Variants in ELP4 observed in about 807,000 individuals in gnomAD.
ELP4 encodes elongator complex protein 4.
ELP4 carries 51 observed loss-of-function variants against 48.9 expected under a neutral mutation model. The ratio of observed to expected loss-of-function variants is 1.04; its 90% CI spans 0.83 to 1.32. ELP4 has a LOEUF of 1.32. Among genes scored for constraint, ELP4 ranks in the 40% most tolerant of loss-of-function variants. ELP4 has a pLI of 0.00. For synonymous variants in ELP4, 210 were observed against 189.2 expected (o/e 1.11, Z -0.90); for missense variants, 519 against 514.6 (o/e 1.01, Z -0.08).
intron 2 of ELP4, among the ~76,000 whole-genome samples, chr11:31,535,731 A>G (rs926085321): frequency 3.3e-5 from 5 of 152,194 alleles, no homozygotes; most frequent in Non-Finnish European, 7.3e-5. Flanking sequence ...TTCTGTCACC[A>G]TAAAGTGTTT....
intron 9 of ELP4, among the ~76,000 whole-genome samples, chr11:31,698,704 G>A (rs1025636120): frequency 8.5e-5 from 13 of 152,144 alleles, no homozygotes; most frequent in African/African-American, 3.1e-4. Flanking sequence ...TGAGCACCAT[G>A]CCTGACCTGG....
In ELP4 at chr11:31,541,793, T is replaced by G. The variant is rs4922865; in HGVS notation, c.381+2010T>G. 1.5e-3 allele frequency among the ~76,000 whole-genome samples: 222 copies of G among 152,284 alleles called. 1 individual carries two copies. The highest frequency in any genetic ancestry group is 8.7e-3 in the South Asian group (42 of 4,826). On this transcript the variant is annotated intron_variant, in intron 3 of 9. Coordinates refer to ENST00000640961, the MANE Select transcript of ELP4 (RefSeq NM_019040.5). ...CTTAGTGTACTTTACATATCCTTCTTTAGATTATGTGAAGGAGTTTGAAGC... is the reference window on the plus strand; with the variant it reads ...CTTAGTGTACTTTACATATCCTTCTGTAGATTATGTGAAGGAGTTTGAAGC...
intron 9 of ELP4, among the ~76,000 whole-genome samples, chr11:31,704,978 G>A (rs937330437): frequency 5.4e-5 from 8 of 149,112 alleles, no homozygotes; most frequent in African/African-American, 2.0e-4. Context: ...GCCACTGCAC[G>A]CCAACCTGGG....
In ELP4 at chr11:31,632,390, A is replaced by G. The variant is rs1378644061; in HGVS notation, c.912A>G (p.Pro304=). ...TTTCAGCCTGCATCATCACAATGCCAACACATCTGATCCAGGTACGAAATT... is the reference window on the plus strand; with the variant it reads ...TTTCAGCCTGCATCATCACAATGCCGACACATCTGATCCAGGTACGAAATT... ...TSLSACIITM[P]THLIQNKAII... is the part of the protein sequence containing the mutation. Residue 304 remains proline, a synonymous_variant, in exon 7 of 10, where the codon CCA becomes CCG. Coordinates refer to ENST00000640961, the MANE Select transcript of ELP4 (RefSeq NM_019040.5). 1.9e-6 allele frequency: 3 copies of G among 1,609,772 alleles called. No homozygotes were observed. Among genetic ancestry groups the G allele is most frequent in the African/African-American group, 1.3e-5 (1 of 74,580 alleles).
intron 9 of ELP4, among the ~76,000 whole-genome samples, chr11:31,678,960 T>C (rs1296552213): frequency 9.9e-5 from 15 of 152,202 alleles, no homozygotes; most frequent in Non-Finnish European, 1.5e-5. Context: ...TTTTCTAAAA[T>C]GTAGAAAATG....
intron 9 of ELP4, among the ~76,000 whole-genome samples, chr11:31,686,599 G>A (rs1475779604): frequency 6.6e-6 from 1 of 152,034 alleles, no homozygotes; most frequent in Non-Finnish European, 1.5e-5. Context: ...TATCACTCTG[G>A]GCCTGGTGCA....
At chr11:31,545,817 G>A (rs1471838847) in intron 3 of ELP4, among the ~76,000 whole-genome samples, 2 of 152,114 alleles carry the variant, frequency 1.3e-5, no homozygotes, top group Non-Finnish European at 2.9e-5. Flanking sequence ...AGAAGAGAGT[G>A]GGGGCCAATA....
At chr11:31,628,623 G>A (rs1405282538) in intron 6 of ELP4, among the ~76,000 whole-genome samples, 1 of 151,890 alleles carries the variant, frequency 6.6e-6, no homozygotes, top group Non-Finnish European at 1.5e-5. Flanking sequence ...AGCTGGTTTG[G>A]CTTTCTGAAC....
rs1221482535 is a variant in ELP4 at position 31,735,173 on chromosome 11, AC to A, written c.1144-48219del. On this transcript the variant is annotated intron_variant, in intron 9 of 9. Transcript: ENST00000640961. ...ATATCCATTGGCAAAAAAAAAAAAA[AC>A]ACGCACAAAAAAAAGAGATTGGATC... Among the ~76,000 whole-genome samples, 5 of 151,124 alleles carry A rather than the reference AC, an allele frequency of 3.3e-5. No homozygotes were observed. In the East Asian group the frequency reaches 9.7e-4, roughly 29 times the overall value.
chr11:31,510,069 G>A, intron 1 of ELP4, 62 bp downstream of exon 1: 5 of 1,506,296 alleles, frequency 3.3e-6, no homozygotes, highest in Non-Finnish European at 4.5e-6. Flanking sequence ...GACCTGTCGG[G>A]GAAGCCACTT....
At chr11:31,600,866 ATAC>A (rs1428900961) in intron 4 of ELP4, among the ~76,000 whole-genome samples, 1 of 152,164 alleles carries the variant, frequency 6.6e-6, no homozygotes, top group African/African-American at 2.4e-5. Context: ...TCTTTGTAAC[ATAC>A]TACAAGTAGA....
chr11:31,723,223 A>G (rs1947005498), intron 9 of ELP4, among the ~76,000 whole-genome samples: 1 of 152,080 alleles, frequency 6.6e-6, no homozygotes, highest in African/African-American at 2.4e-5. Flanking sequence ...AAGGAAGGAG[A>G]AAGGAGGCTG....
At chr11:31,547,870 A>G (rs979982263) in intron 3 of ELP4, among the ~76,000 whole-genome samples, 5 of 152,326 alleles carry the variant, frequency 3.3e-5, no homozygotes, top group African/African-American at 1.2e-4. Context: ...ATATAAACAG[A>G]ACCAAAGACA....
In ELP4 at chr11:31,737,743, A is replaced by G. The variant is rs962943102; in HGVS notation, c.1144-45650A>G. Among the ~76,000 whole-genome samples, 5 of 152,308 alleles carry G rather than the reference A, an allele frequency of 3.3e-5. No individual in the cohort carries two copies. The South Asian group carries it at 1.0e-3, about 32-fold the overall frequency. ...CGTATAGGAAAAACTCAGAATCACA[A>G]TAGTCAAGGAGGAAATGCAAATCAA... On this transcript the variant is annotated intron_variant, in intron 9 of 9. Transcript: ENST00000640961.
chr11:31,669,317 C>T (rs1270246007), intron 9 of ELP4, among the ~76,000 whole-genome samples: 3 of 152,022 alleles, frequency 2.0e-5, no homozygotes, highest in Non-Finnish European at 4.4e-5. Flanking sequence ...ATCTCCTAAC[C>T]TCGTCCGCCT....
Position 31,789,588 on chromosome 11 carries a change from A to AC in ELP4, c.*6064_*6065insC, listed in dbSNP as rs1949098351. 1.6e-6 allele frequency: 1 copy of AC among 606,702 alleles called. No homozygotes were observed. Among genetic ancestry groups the AC allele is most frequent in the African/African-American group, 1.9e-5 (1 of 53,552 alleles). 37.6% of individuals were successfully genotyped at this position (606,702 alleles called of 1,614,324 possible). A position where few individuals can be genotyped will look rare whatever the true frequency, so the allele number is the denominator to read the frequency against. On this transcript the variant is annotated 3_prime_UTR_variant, in exon 10 of 10. Transcript: ENST00000640961. ...CATGGTTTTCTTTTTAAAAAAAAAA[A>AC]AAACAACTTCATGACCAACACAGAT...
chr11:31,597,582 A>C (rs888019258), intron 4 of ELP4, among the ~76,000 whole-genome samples: 4 of 136,798 alleles, frequency 2.9e-5, no homozygotes, highest in Non-Finnish European at 5.0e-5. Flanking sequence ...GTGTCCTGAA[A>C]GAGTCAGTAA....
chr11:31,694,621 G>A lies in ELP4; in HGVS notation c.1143+44400G>A, dbSNP rs187872095. Among the ~76,000 whole-genome samples, 633 of 152,226 alleles carry A rather than the reference G, an allele frequency of 4.2e-3. 3 individuals carry two copies. Among genetic ancestry groups the A allele is most frequent in the African/African-American group, 0.015 (603 of 41,536 alleles). ...ATATGCCTCTGGCTTTGTTCTTTTG[G>A]CTTAGGATTGTCTTGGCAATGCGGG... On this transcript the variant is annotated intron_variant, in intron 9 of 9. Coordinates refer to ENST00000640961, the MANE Select transcript of ELP4 (RefSeq NM_019040.5).
intron 9 of ELP4, among the ~76,000 whole-genome samples, chr11:31,690,465 A>G (rs1339925087): frequency 6.6e-6 from 1 of 152,048 alleles, no homozygotes; most frequent in East Asian, 1.9e-4. Context: ...ATTGTGATGG[A>G]TTATTTCTAC....
Sources: allele counts gnomAD v4.1 joint callset (sites outside exome capture counted in the v4.1 genomes callset), GRCh38; gene constraint gnomAD v4.1.1; transcripts MANE v1.5; gene names NCBI Gene and HGNC (gene_info 2026-07-23, HGNC 2026-07-21).